The following ATP10D variants were observed in gnomAD, a reference collection of about 807,000 sequenced individuals.
ATP10D encodes phospholipid-transporting ATPase VD.
Under a neutral mutation model 144.8 loss-of-function variants are expected in ATP10D, and 89 were observed. The ratio of observed to expected loss-of-function variants is 0.61; its 90% confidence interval spans 0.52 to 0.73. The LOEUF is 0.73. ATP10D is among the 30% of genes least tolerant of loss of function. ATP10D has a pLI of 0.00. For missense variants in ATP10D, 1,603 were observed against 1,714.8 expected (o/e 0.93, Z 1.15); for synonymous variants, 571 against 615.1 (o/e 0.93, Z 1.06).
At chr4:47,527,582 C>T (rs140162541) in intron 5 of ATP10D, among the ~76,000 whole-genome samples, 1 of 152,180 alleles carries the variant, frequency 6.6e-6, no homozygotes, top group Non-Finnish European at 1.5e-5. Context: ...ATAAAGGAAT[C>T]TCGAAACCCA....
chr4:47,563,197 T>A (rs899125432), intron 14 of ATP10D, among the ~76,000 whole-genome samples: 1 of 152,178 alleles, frequency 6.6e-6, no homozygotes, highest in Non-Finnish European at 1.5e-5. Context: ...GTAACAAAAC[T>A]GCGTTTGTGC....
chr4:47,536,720 A>T lies in ATP10D; in HGVS notation c.1178A>T (p.Glu393Val), dbSNP rs1310439721. The T allele has an allele frequency of 3.7e-6, 6 of 1,611,924 alleles. No individual in the cohort carries two copies. The highest frequency in any genetic ancestry group is 5.1e-6 in the Non-Finnish European group (6 of 1,179,312). Residue 393 changes from glutamate (E) to valine (V), a missense_variant, in exon 9 of 23, where the codon GAA (glutamate) becomes GTA (valine). Coordinates refer to ENST00000273859, the MANE Select transcript of ATP10D (RefSeq NM_020453.4). The part of the protein sequence containing the change: ...LIPISLYVSI[E>V]IVKLGQIYFI... ...CCTATTTCTCTCTATGTTTCCATCG[A>T]AATTGTGAAGCTTGGACAAATATAT...
Position 47,581,975 on chromosome 4 carries a change from G to C in ATP10D, c.3664G>C (p.Asp1222His). 1 of 1,613,940 alleles carries C rather than the reference G, an allele frequency of 6.2e-7. No individual in the cohort carries two copies. Among genetic ancestry groups the C allele is most frequent in the Non-Finnish European group, 8.5e-7 (1 of 1,179,864 alleles). ...FVPYFTYQGS[D>H]TDIFAFGNPL... The stretch of plus-strand genomic sequence containing the variant: ...CTCTTTGTAGACCTACCAGGGCTCA[G>C]ATACTGACATCTTTGCATTTGGAAA... Residue 1222 changes from aspartate to histidine, a missense_variant, in exon 21 of 23, where the codon GAT becomes CAT. Transcript: ENST00000273859.
chr4:47,577,663 C>G (rs1720303469), intron 19 of ATP10D, among the ~76,000 whole-genome samples: 1 of 152,190 alleles, frequency 6.6e-6, no homozygotes. Flanking sequence ...TCTAACTAAT[C>G]TGACTTGAAA....
intron 21 of ATP10D, among the ~76,000 whole-genome samples, chr4:47,583,637 G>C (rs1004359169): frequency 1.3e-5 from 2 of 152,104 alleles, no homozygotes; most frequent in African/African-American, 4.8e-5. Context: ...TGGTACTTTT[G>C]GTGGCCACCT....
chr4:47,490,903 T>G (rs1715034555), intron 1 of ATP10D: 1 of 434,052 alleles, frequency 2.3e-6, no homozygotes, highest in Non-Finnish European at 4.3e-6. Flanking sequence ...CCTTTCAATG[T>G]ATTGTTCACA....
At chr4:47,498,405 A>AG (rs1385551317) in intron 1 of ATP10D, among the ~76,000 whole-genome samples, 1 of 152,206 alleles carries the variant, frequency 6.6e-6, no homozygotes, top group Non-Finnish European at 1.5e-5. Context: ...GGGGGCTGGA[A>AG]GGGGAGGTAC....
Position 47,536,525 on chromosome 4 carries a change from A to G in ATP10D, c.1104A>G (p.Ala368=), listed in dbSNP as rs1237885399. The change falls in exon 8 of 23, where the codon GCA becomes GCG. Residue 368 remains alanine, a synonymous_variant. Coordinates refer to ENST00000273859, the MANE Select transcript of ATP10D (RefSeq NM_020453.4). ...GACATATCATATCACCACTGTTGGC[A>G]GGATTTTATATGTTTTGGACCATGA... ...PDGHIISPLL[A]GFYMFWTMII... is the part of the protein sequence containing the mutation. 6.2e-7 allele frequency: 1 copy of G among 1,613,640 alleles called. No homozygotes were observed. The highest frequency in any genetic ancestry group is 1.7e-4 in the Middle Eastern group (1 of 6,060).
chr4:47,491,349 T>G, intron 1 of ATP10D: 1 of 760,878 alleles, frequency 1.3e-6, no homozygotes, highest in Non-Finnish European at 2.4e-6. Context: ...ATCTCCAATA[T>G]CACGTCTCTT....
chr4:47,573,616 G>T (rs1720077650), intron 18 of ATP10D, among the ~76,000 whole-genome samples: 2 of 152,164 alleles, frequency 1.3e-5, no homozygotes, highest in Non-Finnish European at 2.9e-5. Flanking sequence ...TCTTCAGCCT[G>T]CTATTTCAAT....
At chr4:47,583,837 C>G (rs1254199393) in intron 21 of ATP10D, among the ~76,000 whole-genome samples, 1 of 152,018 alleles carries the variant, frequency 6.6e-6, no homozygotes, top group Non-Finnish European at 1.5e-5. Flanking sequence ...TCTGAGAAAC[C>G]AGAGTGACTC....
chr4:47,555,092 A>G (rs1309068427), intron 11 of ATP10D, among the ~76,000 whole-genome samples, 178 bp downstream of exon 11: 3 of 152,178 alleles, frequency 2.0e-5, no homozygotes, highest in Non-Finnish European at 4.4e-5. Context: ...ATGGGTCCCC[A>G]ACCCCCTTGG....
rs202206103 is a variant in ATP10D at position 47,512,762 on chromosome 4, T to C, written c.222T>C (p.Asn74=). The C allele has an allele frequency of 7.4e-6, 12 of 1,614,072 alleles. No individual in the cohort carries two copies. In the African/African-American group the frequency reaches 1.5e-4, roughly 20 times the overall value. ...YEKFSGAYVN[N]RIRTTKYTLL... ...AGTTCTCCGGAGCCTATGTGAACAA[T>C]CGAATACGAACAACAAAGTACACAC... The change falls in exon 2 of 23, where the codon AAT becomes AAC. Residue 74 remains asparagine, a synonymous_variant. Coordinates refer to ENST00000273859, the MANE Select transcript of ATP10D (RefSeq NM_020453.4).
chr4:47,496,558 GTA>G (rs1416687705), intron 1 of ATP10D, among the ~76,000 whole-genome samples: 11 of 152,324 alleles, frequency 7.2e-5, no homozygotes, highest in African/African-American at 2.4e-4. Flanking sequence ...AGTAAGACAA[GTA>G]AGAGCAGGTT....
intron 9 of ATP10D, among the ~76,000 whole-genome samples, chr4:47,538,306 G>C (rs1385379069): frequency 2.0e-5 from 3 of 152,100 alleles, no homozygotes; most frequent in Non-Finnish European, 2.9e-5. Flanking sequence ...GTAAGGTCAG[G>C]GTTAATGTTC....
At chr4:47,561,613 A>G (rs748887966) in intron 14 of ATP10D, among the ~76,000 whole-genome samples, 2 of 152,098 alleles carry the variant, frequency 1.3e-5, no homozygotes, top group Non-Finnish European at 2.9e-5. Flanking sequence ...CTACTGGACT[A>G]AGGAAATTTA....
chr4:47,590,980 G>C, intron 22 of ATP10D, 62 bp from the exon 23 acceptor site: 1 of 1,142,588 alleles, frequency 8.8e-7, no homozygotes. Flanking sequence ...AGTATTTGGG[G>C]GGGGGGGTTC....
chr4:47,516,255 A>AG (rs1470019575), intron 3 of ATP10D, among the ~76,000 whole-genome samples: 1 of 152,074 alleles, frequency 6.6e-6, no homozygotes, highest in Admixed American at 6.6e-5. Context: ...AAAAAAAAAA[A>AG]AAAGGAGGAG....
chr4:47,518,194 A>G (rs561956749), intron 3 of ATP10D, among the ~76,000 whole-genome samples: 1 of 152,326 alleles, frequency 6.6e-6, no homozygotes, highest in East Asian at 1.9e-4. Flanking sequence ...AGTTTTTGGA[A>G]GAAGCATATT....
Sources: allele counts gnomAD v4.1 joint callset (sites outside exome capture counted in the v4.1 genomes callset), GRCh38; gene constraint gnomAD v4.1.1; transcripts MANE v1.5; gene names NCBI Gene and HGNC (gene_info 2026-07-23, HGNC 2026-07-21).